Variants in CTBP1 observed in about 807,000 individuals in gnomAD.
CTBP1 encodes C-terminal-binding protein 1.
A neutral mutation model predicts 42.1 loss-of-function variants in CTBP1; 11 were observed. That is an observed-to-expected ratio of 0.26 (90% CI 0.16 to 0.43). The LOEUF (loss-of-function observed/expected upper bound fraction) is 0.43. Among genes scored for constraint, CTBP1 ranks in the 20% least tolerant of loss-of-function variants. The pLI is 1.00. For synonymous variants in CTBP1, 324 were observed against 277.1 expected, an observed-to-expected ratio of 1.17 and a Z score of -1.68; for missense variants, 399 against 624.3, an observed-to-expected ratio of 0.64 and a Z score of 3.85.
chr4:1,236,523 G>A, intron 3 of CTBP1: 2 of 620,658 alleles, frequency 3.2e-6, no homozygotes, highest in Admixed American at 2.6e-5. Flanking sequence ...AGAAGCCACA[G>A]GGCAAACCCG....
chr4:1,220,737 C>A (rs369395057), intron 5 of CTBP1, among the ~76,000 whole-genome samples: 1 of 152,264 alleles, frequency 6.6e-6, no homozygotes. Flanking sequence ...CCAAGCCAAC[C>A]GGAAGGAGGG....
rs563594765 is a variant in CTBP1 at position 1,231,537 on chromosome 4, G to C, written c.163-3194C>G. ...AGACCCCAGGACGCTCCTGGTGGCAGCTGGCTCTTGGGGGTCAGGAAGGGG... is the reference window on the plus strand; with the variant it reads ...AGACCCCAGGACGCTCCTGGTGGCACCTGGCTCTTGGGGGTCAGGAAGGGG... On this transcript the variant is annotated intron_variant, in intron 3 of 9. Transcript: ENST00000382952. Among the ~76,000 whole-genome samples, 240 of 152,352 alleles carry C rather than the reference G, an allele frequency of 1.6e-3. 1 individual carries two copies. The highest frequency in any genetic ancestry group is 5.5e-3 in the African/African-American group (229 of 41,580).
chr4:1,225,227 A>T (rs1730200114), intron 5 of CTBP1, 133 bp downstream of exon 5: 1 of 1,065,420 alleles, frequency 9.4e-7, no homozygotes, highest in East Asian at 2.6e-5. Flanking sequence ...GTGCGCACTC[A>T]GTCCTGTCCT....
At chr4:1,239,297 C>T (rs1731909800) in intron 2 of CTBP1, among the ~76,000 whole-genome samples, 2 of 152,210 alleles carry the variant, frequency 1.3e-5, no homozygotes, top group African/African-American at 4.8e-5. Flanking sequence ...ACTGTCAGCC[C>T]CACGGCAGCT....
intron 3 of CTBP1, among the ~76,000 whole-genome samples, chr4:1,231,568 CA>C (rs889768806): frequency 6.6e-6 from 1 of 152,232 alleles, no homozygotes; most frequent in Non-Finnish European, 1.5e-5. Flanking sequence ...AGGGGCCCGC[CA>C]AGCCCACCTC....
At chr4:1,241,929 T>C in intron 1 of CTBP1, 1 of 1,036,312 alleles carries the variant, frequency 9.6e-7, no homozygotes, top group African/African-American at 1.7e-5. Context: ...GAAGCTTCTA[T>C]CTCATGTCAC....
At chr4:1,214,779 G>T (rs971933660) in intron 6 of CTBP1, among the ~76,000 whole-genome samples, 2 of 152,198 alleles carry the variant, frequency 1.3e-5, no homozygotes, top group African/African-American at 4.8e-5. Flanking sequence ...GTCCCCCTGT[G>T]GTACCCCTTT....
rs1218230105 is a variant in CTBP1, at chr4:1,212,069, C to T, written c.*171G>A. The T allele has an allele frequency of 6.3e-6, 3 of 478,858 alleles. No individual in the cohort carries two copies. Among genetic ancestry groups the T allele is most frequent in the South Asian group, 5.1e-5 (1 of 19,518 alleles). The allele number at this position is 478,858 out of a possible 1,614,324, so 29.7% of individuals were successfully genotyped here. A position where few individuals can be genotyped will look rare whatever the true frequency, so the allele number is the denominator to read the frequency against. On this transcript the variant is annotated 3_prime_UTR_variant, in exon 10 of 10. Coordinates refer to ENST00000382952, the MANE Select transcript of CTBP1 (RefSeq NM_001012614.2). Reference sequence around the variant, plus strand: ...GACACAGGGCAGAGCGCCCACAGGACGGACGACGACAAGCGACACGAGGCC... The same window carrying T: ...GACACAGGGCAGAGCGCCCACAGGATGGACGACGACAAGCGACACGAGGCC...
chr4:1,248,933 T>C lies in CTBP1; in HGVS notation c.-206A>G, dbSNP rs776981883. On this transcript the variant is annotated 5_prime_UTR_variant, in exon 1 of 10. Coordinates refer to ENST00000382952, the MANE Select transcript of CTBP1 (RefSeq NM_001012614.2). ...GGCCTTACCAAGCGGCAGGCCCTTG[T>C]TGAGCAAGTGCGAGCTGCCCATCGA... is the stretch of plus-strand genomic sequence containing the variant. 11 of 1,007,416 alleles carry C rather than the reference T, an allele frequency of 1.1e-5. No individual in the cohort carries two copies. Among genetic ancestry groups the C allele is most frequent in the African/African-American group, 5.5e-5 (3 of 55,032 alleles). The allele number at this position is 1,007,416 out of a possible 1,614,324, so 62.4% of individuals were successfully genotyped here. A position where few individuals can be genotyped will look rare whatever the true frequency, so the allele number is the denominator to read the frequency against.
At chr4:1,228,580 T>A (rs965590714) in intron 3 of CTBP1, among the ~76,000 whole-genome samples, 2 of 152,104 alleles carry the variant, frequency 1.3e-5, no homozygotes, top group Non-Finnish European at 2.9e-5. Flanking sequence ...CTCAGCCGCA[T>A]GTAGGCTGCA....
At chr4:1,221,346 C>T (rs955630605) in intron 5 of CTBP1, 2 of 152,396 alleles carry the variant, frequency 1.3e-5, no homozygotes, top group Non-Finnish European at 1.5e-5. Flanking sequence ...TGAAGAACAG[C>T]GACTCCTTCC....
At chr4:1,218,073 G>A (rs957861316) in intron 5 of CTBP1, 2 of 152,142 alleles carry the variant, frequency 1.3e-5, no homozygotes, top group Non-Finnish European at 2.9e-5. Flanking sequence ...GTCAGCAGAT[G>A]GCATCCAAAC....
intron 1 of CTBP1, chr4:1,244,296 G>C (rs1732493023): frequency 1.0e-6 from 1 of 984,930 alleles, no homozygotes; most frequent in South Asian, 4.7e-5. Context: ...GCACACTGGG[G>C]GTCACCATGG....
At position 1,241,391 on chromosome 4, in the gene CTBP1, T is replaced by C; in HGVS notation, c.-60A>G. 1 of 1,200,982 alleles carries C rather than the reference T, an allele frequency of 8.3e-7. No homozygotes were observed. The highest frequency in any genetic ancestry group is 1.5e-5 in the African/African-American group (1 of 66,902). The allele number at this position is 1,200,982 out of a possible 1,614,324, so 74.4% of individuals were successfully genotyped here. A position where few individuals can be genotyped will look rare whatever the true frequency, so the allele number is the denominator to read the frequency against. ...TTCGACTTTTCAAAGCTTTTTATCT[T>C]CAGGATCCCCAGGCAGAACCGCGTC... On this transcript the variant is annotated 5_prime_UTR_variant, in exon 2 of 10. Transcript: ENST00000382952.
At chr4:1,241,861 G>T in intron 1 of CTBP1, 1 of 1,142,620 alleles carries the variant, frequency 8.8e-7, no homozygotes, top group Non-Finnish European at 1.1e-6. Flanking sequence ...GGGGACGGAG[G>T]GCACAGGGTG....
intron 8 of CTBP1, 124 bp downstream of exon 8, chr4:1,213,354 G>T: frequency 6.8e-7 from 1 of 1,467,938 alleles, no homozygotes; most frequent in South Asian, 1.2e-5. Flanking sequence ...GGGGTGCAGT[G>T]AGAGCACCAC....
chr4:1,230,783 C>G (rs946339673), intron 3 of CTBP1, among the ~76,000 whole-genome samples: 2 of 152,238 alleles, frequency 1.3e-5, no homozygotes, highest in Admixed American at 1.3e-4. Context: ...ATCCGCGCAG[C>G]CTTAAGGTTG....
In CTBP1 at chr4:1,222,226, G is replaced by A. The variant is rs542608655; in HGVS notation, c.514+3134C>T. Among the ~76,000 whole-genome samples the A allele has an allele frequency of 2.4e-3, 367 of 152,148 alleles. 1 individual carries two copies. The highest frequency in any genetic ancestry group is 0.01 in the Middle Eastern group (3 of 294). On this transcript the variant is annotated intron_variant, in intron 5 of 9. Coordinates refer to ENST00000382952, the MANE Select transcript of CTBP1 (RefSeq NM_001012614.2). ...CGAGGGGCGGGGCGGGGGACGGGAC[G>A]CAGGTGTTCTGCAGTCAAGGGTGCC...
chr4:1,223,369 A>AAGAGACAGGCACGTGTTCCATGCAC, intron 5 of CTBP1: 1 of 447,728 alleles, frequency 2.2e-6, no homozygotes, highest in Non-Finnish European at 4.5e-6. Flanking sequence ...CGTGTCCAGG[A>AAGAGACAGGCACGTGTTCCATGCAC]AGAGACAGGC....
Sources: gnomAD v4.1 joint callset for allele counts (sites outside exome capture counted in the v4.1 genomes callset) on GRCh38, gnomAD v4.1.1 for gene constraint, MANE v1.5 for transcripts, NCBI Gene and HGNC (gene_info 2026-07-23, HGNC 2026-07-21) for gene names.